Variants in DTHD1 observed in about 807,000 individuals in gnomAD.
The protein encoded by DTHD1 is death domain-containing protein 1.
A neutral mutation model predicts 74.8 loss-of-function variants in DTHD1; 59 were observed. The observed-to-expected ratio is 0.79, with a 90% CI of 0.64 to 0.98. The LOEUF (loss-of-function observed/expected upper bound fraction) is 0.98, where lower values mean the gene tolerates loss of function less well. Among genes scored for constraint, DTHD1 ranks in the 50% least tolerant of loss-of-function variants. DTHD1 has a pLI of 0.00. For missense variants in DTHD1, 1,051 were observed against 1,065.4 expected (o/e 0.99, Z 0.19); for synonymous variants, 365 against 371.1 (o/e 0.98, Z 0.19).
At chr4:36,283,004 A>G (rs1755486260) in intron 1 of DTHD1, among the ~76,000 whole-genome samples, 1 of 152,212 alleles carries the variant, frequency 6.6e-6, no homozygotes, top group South Asian at 2.1e-4. Context: ...TAAGACAAAA[A>G]CAAAACAAAA....
At chr4:36,282,073 T>C in intron 1 of DTHD1, 44 bp downstream of exon 1, 1 of 1,475,770 alleles carries the variant, frequency 6.8e-7, no homozygotes. Context: ...TAAGAAATAT[T>C]GATTAGGGCA....
intron 7 of DTHD1, among the ~76,000 whole-genome samples, chr4:36,310,411 A>T (rs537180573): frequency 6.6e-6 from 1 of 152,304 alleles, no homozygotes; most frequent in Non-Finnish European, 1.5e-5. Flanking sequence ...TTTCTTTTTC[A>T]TTAAGCCAAC....
chr4:36,319,779 A>G (rs1277056595), intron 8 of DTHD1, among the ~76,000 whole-genome samples: 1 of 152,244 alleles, frequency 6.6e-6, no homozygotes, highest in Non-Finnish European at 1.5e-5. Flanking sequence ...TAGATAATTT[A>G]GGGGTTTGTA....
chr4:36,339,515 G>A (rs912815336), intron 9 of DTHD1, among the ~76,000 whole-genome samples: 5 of 152,114 alleles, frequency 3.3e-5, no homozygotes, highest in South Asian at 4.1e-4. Flanking sequence ...CTTAAAGTAC[G>A]TTCAATTCAA....
chr4:36,293,049 G>A (rs1756176836), intron 3 of DTHD1, among the ~76,000 whole-genome samples: 1 of 152,212 alleles, frequency 6.6e-6, no homozygotes, highest in Admixed American at 6.5e-5. Context: ...GATACTGTGA[G>A]CTATTAGAAG....
At chr4:36,313,571 G>T (rs1282191321) in intron 7 of DTHD1, among the ~76,000 whole-genome samples, 1 of 152,076 alleles carries the variant, frequency 6.6e-6, no homozygotes, top group East Asian at 1.9e-4. Context: ...AATGGTTTCT[G>T]TTTACAACAT....
At chr4:36,341,699 A>C (rs1029940066) in intron 9 of DTHD1, among the ~76,000 whole-genome samples, 26 of 152,224 alleles carry the variant, frequency 1.7e-4, no homozygotes, top group Non-Finnish European at 3.2e-4. Context: ...CACAAGATTC[A>C]GATTGACAAA....
chr4:36,343,797 G>A lies in DTHD1; in HGVS notation c.2694G>A (p.Gln898=). 1 of 1,550,272 alleles carries A rather than the reference G, an allele frequency of 6.5e-7. No individual in the cohort carries two copies. The highest frequency in any genetic ancestry group is 8.7e-7 in the Non-Finnish European group (1 of 1,146,344). The change falls in exon 10 of 10, where the codon CAG becomes CAA. Residue 898 remains glutamine, a synonymous_variant. Transcript: ENST00000639862. ...KWENKVFTEP[Q]QCFDVAPE ...AAAATAAAGTGTTCACTGAACCACA[G>A]CAGTGTTTTGATGTAGCCCCTGAGT...
intron 4 of DTHD1, 28 bp downstream of exon 4, chr4:36,293,733 C>A: frequency 6.9e-7 from 1 of 1,453,518 alleles, no homozygotes; most frequent in Middle Eastern, 1.8e-4. Flanking sequence ...AGGTGAGTTC[C>A]TGCTCATAGA....
At chr4:36,283,794 A>G in intron 1 of DTHD1, 182 bp from the exon 2 acceptor site, 1 of 582,860 alleles carries the variant, frequency 1.7e-6, no homozygotes, top group Non-Finnish European at 3.0e-6. Context: ...TCAATCCTAC[A>G]ATTGTTAAAA....
At chr4:36,317,690 G>A (rs945000871) in intron 8 of DTHD1, among the ~76,000 whole-genome samples, 1 of 152,142 alleles carries the variant, frequency 6.6e-6, no homozygotes, top group Non-Finnish European at 1.5e-5. Context: ...CAGTGAATAA[G>A]TACACAAAAC....
Position 36,294,936 on chromosome 4 carries a change from C to T in DTHD1, c.1540C>T (p.Pro514Ser). The T allele has an allele frequency of 6.4e-7, 1 of 1,551,768 alleles. No individual in the cohort carries two copies. Among genetic ancestry groups the T allele is most frequent in the Non-Finnish European group, 8.7e-7 (1 of 1,146,730 alleles). Residue 514 changes from proline to serine, a missense_variant, in exon 5 of 10, where the codon CCT becomes TCT. By Grantham distance (74) the Pro-to-Ser change is moderately conservative (BLOSUM62 -1). Transcript: ENST00000639862. ...TCAGAAGCCAGTCACTTTGTTTTTACCTTGTTCTCCATACCTTGATAAAAA... is the reference window on the plus strand; with the variant it reads ...TCAGAAGCCAGTCACTTTGTTTTTATCTTGTTCTCCATACCTTGATAAAAA... ...PFQKPVTLFL[P>S]CSPYLDKNNL... is the part of the protein sequence containing the mutation.
rs1247290779 is a variant in DTHD1 at position 36,346,577 on chromosome 4, C to G, written c.*2753C>G. 6.6e-6 allele frequency among the ~76,000 whole-genome samples: 1 copy of G among 152,038 alleles called. No individual in the cohort carries two copies. ...GTAATCTGTGCCACTTGGATTGAGA[C>G]CTGCCCCTGAACACCCTCAGTATTG... On this transcript the variant is annotated 3_prime_UTR_variant, in exon 10 of 10. Coordinates refer to ENST00000639862, the MANE Select transcript of DTHD1 (RefSeq NM_001170700.3).
Position 36,340,613 on chromosome 4 carries a change from G to C in DTHD1, c.2398+1444G>C, listed in dbSNP as rs187197497. The stretch of plus-strand genomic sequence containing the variant: ...GTAGTGAGAAGGAAAGACCATCATT[G>C]ATTATTCTGATTTTAGAAATATGAC... On this transcript the variant is annotated intron_variant, in intron 9 of 9. Coordinates refer to ENST00000639862, the MANE Select transcript of DTHD1 (RefSeq NM_001170700.3). Among the ~76,000 whole-genome samples, 86 of 152,314 alleles carry C rather than the reference G, an allele frequency of 5.6e-4. No individual in the cohort carries two copies. In the Middle Eastern group the frequency reaches 0.01, roughly 18 times the overall value.
chr4:36,316,036 C>T (rs1252485419), intron 7 of DTHD1, among the ~76,000 whole-genome samples: 1 of 152,240 alleles, frequency 6.6e-6, no homozygotes, highest in Non-Finnish European at 1.5e-5. Context: ...CCTGGGTTCA[C>T]GCCATTCTCC....
intron 5 of DTHD1, among the ~76,000 whole-genome samples, chr4:36,299,600 T>C (rs1469629274): frequency 1.3e-5 from 2 of 152,226 alleles, no homozygotes; most frequent in Non-Finnish European, 2.9e-5. Flanking sequence ...TCTAATCAAA[T>C]GCTGGCACTT....
chr4:36,323,757 A>T (rs1758173142), intron 8 of DTHD1, among the ~76,000 whole-genome samples: 1 of 152,092 alleles, frequency 6.6e-6, no homozygotes, highest in African/African-American at 2.4e-5. Flanking sequence ...TTCCAGTAAC[A>T]TGTTTGGTGC....
intron 8 of DTHD1, among the ~76,000 whole-genome samples, chr4:36,324,871 G>T (rs1377801883): frequency 6.6e-6 from 1 of 152,188 alleles, no homozygotes; most frequent in South Asian, 2.1e-4. Context: ...TTCAGAGAAG[G>T]GGGTGAACGC....
chr4:36,339,748 A>G (rs1759213936), intron 9 of DTHD1, among the ~76,000 whole-genome samples: 1 of 152,236 alleles, frequency 6.6e-6, no homozygotes, highest in South Asian at 2.1e-4. Flanking sequence ...TTCAAAAGAC[A>G]TCAGCGAGGA....
Sources: allele counts gnomAD v4.1 joint callset (sites outside exome capture counted in the v4.1 genomes callset), GRCh38; gene constraint gnomAD v4.1.1; transcripts MANE v1.5; gene names NCBI Gene and HGNC (gene_info 2026-07-23, HGNC 2026-07-21).